GALNT17: variants seen among roughly 807,000 people sequenced by gnomAD.
GALNT17 encodes polypeptide N-acetylgalactosaminyltransferase 17, also known as UDP-GalNAc:polypeptide N-acetylgalactosaminyltransferase-like 3.
A neutral mutation model predicts 63.7 loss-of-function variants in GALNT17; 29 were observed. The observed-to-expected ratio is 0.46, with a 90% CI of 0.34 to 0.62. GALNT17 has a LOEUF of 0.62. Among genes scored for constraint, GALNT17 ranks in the 20% least tolerant of loss-of-function variants. GALNT17 has a pLI of 0.01. For synonymous variants in GALNT17, 305 were observed against 318.3 expected, an observed-to-expected ratio of 0.96 and a Z score of 0.45; for missense variants, 603 against 799.6, an observed-to-expected ratio of 0.75 and a Z score of 2.97.
chr7:71,226,929 C>T (rs1186691211), intron 1 of GALNT17, among the ~76,000 whole-genome samples: 1 of 151,930 alleles, frequency 6.6e-6, no homozygotes, highest in African/African-American at 2.4e-5. Flanking sequence ...ACAGTCCGTC[C>T]CCCCTCTATG....
chr7:71,399,570 T>C (rs919199951), intron 3 of GALNT17, among the ~76,000 whole-genome samples: 1 of 152,210 alleles, frequency 6.6e-6, no homozygotes, highest in Non-Finnish European at 1.5e-5. Flanking sequence ...TTGTTGCTGT[T>C]TGTCTATTTT....
intron 1 of GALNT17, among the ~76,000 whole-genome samples, chr7:71,331,069 C>T (rs73700702): frequency 6.6e-6 from 1 of 152,164 alleles, no homozygotes; most frequent in Non-Finnish European, 1.5e-5. Context: ...GGATGTCCCA[C>T]GGATGCCTCG....
chr7:71,421,805 A>T (rs1438528601), intron 5 of GALNT17, among the ~76,000 whole-genome samples: 1 of 152,038 alleles, frequency 6.6e-6, no homozygotes, highest in African/African-American at 2.4e-5. Flanking sequence ...AAAAAATTAG[A>T]TGGGCGTGGT....
intron 5 of GALNT17, among the ~76,000 whole-genome samples, chr7:71,484,715 G>T (rs887825241): frequency 1.7e-4 from 26 of 151,566 alleles, no homozygotes; most frequent in African/African-American, 6.3e-4. Context: ...ATTATGTGGT[G>T]CATGACTGCA....
rs1255661749 is a variant in GALNT17, at chr7:71,132,798, G to A, written c.-5G>A. On this transcript the variant is annotated 5_prime_UTR_variant, in exon 1 of 11. Transcript: ENST00000333538. ...GTCCGGGGCGAGGGCCGGCCGGGCT[G>A]TTTGATGGCTTCACTGAGAAGAGTC... The A allele has an allele frequency of 6.3e-7, 1 of 1,595,878 alleles. No homozygotes were observed. The highest frequency in any genetic ancestry group is 8.6e-7 in the Non-Finnish European group (1 of 1,169,480).
intron 5 of GALNT17, among the ~76,000 whole-genome samples, chr7:71,524,546 C>A (rs1258685014): frequency 1.3e-5 from 2 of 152,000 alleles, no homozygotes; most frequent in Non-Finnish European, 2.9e-5. Flanking sequence ...AATCGATGGC[C>A]ACGGTATGCC....
chr7:71,484,674 C>T (rs1396251873), intron 5 of GALNT17, among the ~76,000 whole-genome samples: 2 of 152,084 alleles, frequency 1.3e-5, no homozygotes, highest in African/African-American at 4.8e-5. Context: ...GCCCACTGTC[C>T]TACATGCAAT....
rs147620786 is a variant in GALNT17 at position 71,673,672 on chromosome 7, T to A, written c.1405-3539T>A. On this transcript the variant is annotated intron_variant, in intron 8 of 10. Transcript: ENST00000333538. The stretch of plus-strand genomic sequence containing the variant: ...CTGTGCCCCCCAGGCTGGAGTGCAG[T>A]GGCACAATCTTGGCTCACTGTAGCC... 3.5e-3 allele frequency among the ~76,000 whole-genome samples: 527 copies of A among 152,322 alleles called. 1 individual carries two copies. Among genetic ancestry groups the A allele is most frequent in the Non-Finnish European group, 6.2e-3 (419 of 68,030 alleles).
At chr7:71,462,336 T>A (rs1787466060) in intron 5 of GALNT17, among the ~76,000 whole-genome samples, 1 of 152,238 alleles carries the variant, frequency 6.6e-6, no homozygotes, top group Non-Finnish European at 1.5e-5. Context: ...GCAATAGACG[T>A]TGACTCTGTT....
chr7:71,217,138 GTGTTT>G (rs1478863177), intron 1 of GALNT17, among the ~76,000 whole-genome samples: 7 of 126,372 alleles, frequency 5.5e-5, no homozygotes, highest in South Asian at 5.2e-4. Flanking sequence ...TAATTTTTTC[GTGTTT>G]TGTTTTTTTT....
At chr7:71,298,974 T>C (rs1255399264) in intron 1 of GALNT17, among the ~76,000 whole-genome samples, 1 of 152,178 alleles carries the variant, frequency 6.6e-6, no homozygotes, top group Non-Finnish European at 1.5e-5. Context: ...GTTTTTGCAC[T>C]AGTGACTGAC....
chr7:71,187,699 G>C (rs1206599280), intron 1 of GALNT17, among the ~76,000 whole-genome samples: 2 of 152,122 alleles, frequency 1.3e-5, no homozygotes, highest in Non-Finnish European at 2.9e-5. Flanking sequence ...AATGGCTGAG[G>C]AGGGTGTTTC....
chr7:71,372,365 A>G (rs1362230565), intron 2 of GALNT17, among the ~76,000 whole-genome samples: 1 of 151,988 alleles, frequency 6.6e-6, no homozygotes, highest in East Asian at 1.9e-4. Context: ...GGGTTTTGCC[A>G]TGTTGGACAG....
At position 71,314,014 on chromosome 7, in the gene GALNT17, G is replaced by A. The variant is rs149689627; in HGVS notation, c.239-21536G>A. The stretch of plus-strand genomic sequence containing the variant: ...GGAAAAAAACGAACTTCTTCCTAAT[G>A]GATTTTGAAAAAGATTATTTAATTT... On this transcript the variant is annotated intron_variant, in intron 1 of 10. Coordinates refer to ENST00000333538, the MANE Select transcript of GALNT17 (RefSeq NM_022479.3). Among the ~76,000 whole-genome samples the A allele has an allele frequency of 4.1e-3, 626 of 152,184 alleles. 6 individuals are homozygous for A. The highest frequency in any genetic ancestry group is 0.014 in the Middle Eastern group (4 of 294).
chr7:71,510,336 A>G (rs1403731933), intron 5 of GALNT17, among the ~76,000 whole-genome samples: 1 of 152,184 alleles, frequency 6.6e-6, no homozygotes, highest in African/African-American at 2.4e-5. Flanking sequence ...TCATTACCTC[A>G]GAAAGAGACC....
intron 1 of GALNT17, among the ~76,000 whole-genome samples, chr7:71,158,943 A>T (rs1019096029): frequency 6.6e-6 from 1 of 151,906 alleles, no homozygotes; most frequent in African/African-American, 2.4e-5. Context: ...AATATGTTTC[A>T]TTCTGTTTGC....
chr7:71,458,099 G>C (rs1159768381), intron 5 of GALNT17, among the ~76,000 whole-genome samples: 1 of 152,074 alleles, frequency 6.6e-6, no homozygotes, highest in Non-Finnish European at 1.5e-5. Flanking sequence ...TCTGTGTGAG[G>C]GGTCACCTGC....
chr7:71,243,549 A>G (rs1273933486), intron 1 of GALNT17, among the ~76,000 whole-genome samples: 1 of 151,836 alleles, frequency 6.6e-6, no homozygotes, highest in African/African-American at 2.4e-5. Context: ...TTCCTTTGCT[A>G]TTGTTTCTCT....
rs144719491 is a variant in GALNT17, at chr7:71,372,099, G to T, written c.423-16136G>T. ...AGGCTCAAGTGATCTTCCCGCGGCAGCTTCCTGATTAGCTAAGACTACAGG... is the reference window on the plus strand; with the variant it reads ...AGGCTCAAGTGATCTTCCCGCGGCATCTTCCTGATTAGCTAAGACTACAGG... On this transcript the variant is annotated intron_variant, in intron 2 of 10. Coordinates refer to ENST00000333538, the MANE Select transcript of GALNT17 (RefSeq NM_022479.3). Among the ~76,000 whole-genome samples the T allele has an allele frequency of 6.5e-3, 990 of 152,308 alleles. 10 individuals carry two copies. The highest frequency in any genetic ancestry group is 0.01 in the Admixed American group (156 of 15,302).
Sources: gnomAD v4.1 joint callset for allele counts (sites outside exome capture counted in the v4.1 genomes callset) on GRCh38, gnomAD v4.1.1 for gene constraint, MANE v1.5 for transcripts, NCBI Gene and HGNC (gene_info 2026-07-23, HGNC 2026-07-21) for gene names.